KDM4C: variants seen among roughly 807,000 people sequenced by gnomAD.
The protein encoded by KDM4C is lysine demethylase 4C.
In KDM4C, 81 loss-of-function variants were observed where a neutral mutation model predicts 129.3. The ratio of observed to expected loss-of-function variants is 0.63; its 90% CI spans 0.52 to 0.75. KDM4C has a LOEUF of 0.75. KDM4C is among the 30% of genes least tolerant of loss of function. The pLI is 0.00. For synonymous variants in KDM4C, 573 were observed against 456.1 expected, an observed-to-expected ratio of 1.26 and a Z score of -3.26; for missense variants, 1,457 against 1,304.0, an observed-to-expected ratio of 1.12 and a Z score of -1.81.
At chr9:6,735,343 A>C (rs994441209) in intron 1 of KDM4C, among the ~76,000 whole-genome samples, 1 of 152,208 alleles carries the variant, frequency 6.6e-6, no homozygotes, top group Admixed American at 6.5e-5. Flanking sequence ...TGAATCTAAA[A>C]AGGGCTTGTT....
rs962954264 is a variant in KDM4C at position 6,991,996 on chromosome 9, T to C, written c.1786+1472T>C. Among the ~76,000 whole-genome samples the C allele has an allele frequency of 6.0e-5, 9 of 151,056 alleles. No individual in the cohort carries two copies. In the East Asian group the frequency reaches 1.5e-3, roughly 26 times the overall value. On this transcript the variant is annotated intron_variant, in intron 12 of 21. Coordinates refer to ENST00000381309, the MANE Select transcript of KDM4C (RefSeq NM_015061.6). ...AAACATATTTGCATTGATTTCCATA[T>C]ATCATAATGTTGAGTTCTTTTTCTT... is the stretch of plus-strand genomic sequence containing the variant.
At chr9:6,759,738 A>C (rs1819008132) in intron 1 of KDM4C, among the ~76,000 whole-genome samples, 1 of 152,010 alleles carries the variant, frequency 6.6e-6, no homozygotes. Flanking sequence ...GTATCACCTG[A>C]GGTCAGGAGT....
At chr9:6,834,880 G>A (rs1835584509) in intron 4 of KDM4C, 3 of 1,305,576 alleles carry the variant, frequency 2.3e-6, no homozygotes, top group East Asian at 2.3e-5. Context: ...TGCTGTCCCT[G>A]TACTTCTTTG....
chr9:6,720,954 G>C (rs1172128095), exon 1 of KDM4C: 1 of 1,551,476 alleles, frequency 6.4e-7, no homozygotes, highest in East Asian at 2.4e-5. Flanking sequence ...GTTTGATGAA[G>C]CACTATGGGC....
intron 5 of KDM4C, among the ~76,000 whole-genome samples, chr9:6,854,539 AAAAAAAC>A (rs1839446535): frequency 7.5e-5 from 11 of 145,948 alleles, no homozygotes; most frequent in East Asian, 4.0e-4. Context: ...AAAAAAAAAA[AAAAAAAC>A]AAAAAAAAAA....
At chr9:6,963,830 G>C (rs77674798) in intron 8 of KDM4C, among the ~76,000 whole-genome samples, 8 of 152,014 alleles carry the variant, frequency 5.3e-5, no homozygotes, top group Non-Finnish European at 7.4e-5. Context: ...TGGTGTTTCC[G>C]CCACCCTGAC....
intron 5 of KDM4C, among the ~76,000 whole-genome samples, chr9:6,856,530 CTCTG>C (rs1485029194): frequency 7.1e-6 from 1 of 139,914 alleles, no homozygotes; most frequent in Non-Finnish European, 1.5e-5. Context: ...GCATATCTCT[CTCTG>C]TGTGCGTGTG....
At chr9:6,909,945 A>G (rs1443640164) in intron 8 of KDM4C, among the ~76,000 whole-genome samples, 2 of 152,218 alleles carry the variant, frequency 1.3e-5, no homozygotes, top group Non-Finnish European at 2.9e-5. Context: ...TGCAAGCTGA[A>G]TAGAAAAGTA....
At chr9:6,739,184 T>G (rs1372739623) in intron 1 of KDM4C, among the ~76,000 whole-genome samples, 1 of 151,984 alleles carries the variant, frequency 6.6e-6, no homozygotes. Context: ...GCGATTCTTG[T>G]GCCTCAGCTT....
chr9:6,951,666 G>A (rs962441353), intron 8 of KDM4C, among the ~76,000 whole-genome samples: 1 of 152,164 alleles, frequency 6.6e-6, no homozygotes, highest in Non-Finnish European at 1.5e-5. Context: ...ATGGTATACA[G>A]TTTAGACATA....
At chr9:6,880,580 G>C (rs751472328) in intron 6 of KDM4C, among the ~76,000 whole-genome samples, 1 of 152,124 alleles carries the variant, frequency 6.6e-6, no homozygotes, top group African/African-American at 2.4e-5. Context: ...GAAGGTGAAT[G>C]GCTCTGAGTA....
At chr9:7,155,425 G>T (rs1393848410) in intron 19 of KDM4C, among the ~76,000 whole-genome samples, 1 of 151,882 alleles carries the variant, frequency 6.6e-6, no homozygotes. Context: ...TGATACATAG[G>T]TATACATGTG....
intron 8 of KDM4C, among the ~76,000 whole-genome samples, chr9:6,957,685 G>A (rs758300372): frequency 6.6e-6 from 1 of 152,132 alleles, no homozygotes; most frequent in Non-Finnish European, 1.5e-5. Context: ...GGAACCAGGA[G>A]TGGGTCTGGG....
At chr9:7,162,289 T>G (rs1232213921) in intron 19 of KDM4C, among the ~76,000 whole-genome samples, 1 of 152,196 alleles carries the variant, frequency 6.6e-6, no homozygotes, top group Non-Finnish European at 1.5e-5. Context: ...CTTCTTGAGT[T>G]TGGCATGAAA....
intron 5 of KDM4C, 79 bp from the exon 6 acceptor site, chr9:6,879,933 T>G (rs1373032254): frequency 1.6e-6 from 1 of 633,744 alleles, no homozygotes; most frequent in African/African-American, 1.9e-5. Flanking sequence ...TTATGTGACA[T>G]TATTTAGGAA....
chr9:6,942,160 T>C (rs1194423060), intron 8 of KDM4C, among the ~76,000 whole-genome samples: 1 of 152,198 alleles, frequency 6.6e-6, no homozygotes, highest in Non-Finnish European at 1.5e-5. Context: ...GCAATAACTT[T>C]AAGATAAAAC....
intron 15 of KDM4C, among the ~76,000 whole-genome samples, chr9:7,026,675 T>C (rs534119268): frequency 1.3e-5 from 2 of 152,270 alleles, no homozygotes; most frequent in African/African-American, 4.8e-5. Context: ...TGACCAACTT[T>C]CTACCCTCAT....
At chr9:6,837,155 T>G (rs533551902) in intron 4 of KDM4C, among the ~76,000 whole-genome samples, 20 of 152,278 alleles carry the variant, frequency 1.3e-4, no homozygotes, top group Non-Finnish European at 2.1e-4. Flanking sequence ...ATTCTTGGGC[T>G]CAAGTGATCG....
intron 8 of KDM4C, among the ~76,000 whole-genome samples, chr9:6,946,613 A>C (rs1171434591): frequency 6.6e-6 from 1 of 152,088 alleles, no homozygotes; most frequent in Non-Finnish European, 1.5e-5. Context: ...GAGACTTTTC[A>C]AGGTGTTTGT....
Sources: allele counts gnomAD v4.1 joint callset (sites outside exome capture counted in the v4.1 genomes callset), GRCh38; gene constraint gnomAD v4.1.1; transcripts MANE v1.5; gene names NCBI Gene and HGNC (gene_info 2026-07-23, HGNC 2026-07-21).